Variants in POMZP3 observed in about 807,000 individuals in gnomAD.
The protein encoded by POMZP3 is POM121 and ZP3 fusion, also known as POM121 and ZP3 fusion protein.
In POMZP3, 10 loss-of-function variants were observed where a neutral mutation model predicts 19.8. That is an observed-to-expected ratio of 0.51 (90% CI 0.31 to 0.86). POMZP3 has a LOEUF of 0.86. Ranked by LOEUF, POMZP3 falls within the 40% of genes least tolerant of loss-of-function variation. POMZP3 has a pLI of 0.04. For synonymous variants in POMZP3, 57 were observed against 85.8 expected (o/e 0.66, Z 1.85); for missense variants, 152 against 228.1 (o/e 0.67, Z 2.15).
chr7:76,611,674 G>C, intron 5 of POMZP3, 48 bp downstream of exon 5: 3 of 1,532,406 alleles, frequency 2.0e-6, no homozygotes, highest in Non-Finnish European at 2.7e-6. Flanking sequence ...AATAGACAAG[G>C]GGTCGCCGAT....
chr7:76,619,573 C>T (rs62475934), intron 3 of POMZP3, among the ~76,000 whole-genome samples: 25,315 of 148,318 alleles, frequency 0.17, 2,465 homozygotes, highest in South Asian at 0.27. Flanking sequence ...TGAAATTTTC[C>T]GCCTAGAGAT....
chr7:76,625,964 G>A, intron 2 of POMZP3, 36 bp downstream of exon 2: 1 of 1,611,298 alleles, frequency 6.2e-7, no homozygotes, highest in Non-Finnish European at 8.5e-7. Context: ...AAGTGGACAC[G>A]AAAAGGGAGA....
intron 3 of POMZP3, among the ~76,000 whole-genome samples, chr7:76,623,276 T>G (rs1371400332): frequency 2.0e-5 from 3 of 151,958 alleles, no homozygotes; most frequent in African/African-American, 7.2e-5. Context: ...CTCTTTAATG[T>G]CAGAAATCCT....
chr7:76,614,385 TAA>T (rs567503226), intron 4 of POMZP3, among the ~76,000 whole-genome samples: 8 of 61,970 alleles, frequency 1.3e-4, no homozygotes, highest in Admixed American at 3.3e-4. Flanking sequence ...CCATCTCTAC[TAA>T]AAAAAAAAAA....
In POMZP3 at chr7:76,627,061, G is replaced by C. The variant is rs1303299289; in HGVS notation, c.-505C>G. ...GGAGGACAAGGGGCGCGAACCTCGG[G>C]GCTCGCGGCTCAGTCCCCACCAGGC... On this transcript the variant is annotated 5_prime_UTR_variant, in exon 1 of 7. Coordinates refer to ENST00000310842, the MANE Select transcript of POMZP3 (RefSeq NM_012230.5). 1 of 1,325,620 alleles carries C rather than the reference G, an allele frequency of 7.5e-7. No homozygotes were observed. Among genetic ancestry groups the C allele is most frequent in the African/African-American group, 1.6e-5 (1 of 64,254 alleles). The allele number at this position is 1,325,620 out of a possible 1,614,324, so 82.1% of individuals were successfully genotyped here. A position where few individuals can be genotyped will look rare whatever the true frequency, so the allele number is the denominator to read the frequency against.
At chr7:76,613,508 T>C (rs1457034226) in intron 4 of POMZP3, among the ~76,000 whole-genome samples, 18 of 36,254 alleles carry the variant, frequency 5.0e-4, no homozygotes, top group African/African-American at 3.4e-3. Context: ...CCCCCTACCC[T>C]TTTTTTTTTT....
intron 3 of POMZP3, among the ~76,000 whole-genome samples, chr7:76,625,225 T>A (rs1011027495): frequency 7.4e-5 from 11 of 149,428 alleles, no homozygotes; most frequent in Non-Finnish European, 1.2e-4. Context: ...GAGCCTTCTT[T>A]CTTGAAAATA....
rs2116848839 is a variant in POMZP3 at position 76,612,973 on chromosome 7, G to A, written c.346-1160C>T. ...GCTGTTGCCTAGGCTGGAGTGCAAT[G>A]GCACGATCTCAGCTCACTGCAACCT... On this transcript the variant is annotated intron_variant, in intron 4 of 6. Coordinates refer to ENST00000310842, the MANE Select transcript of POMZP3 (RefSeq NM_012230.5). Among the ~76,000 whole-genome samples the A allele has an allele frequency of 3.4e-5, 2 of 59,694 alleles. 1 individual carries two copies. The highest frequency in any genetic ancestry group is 2.0e-4 in the African/African-American group (2 of 9,764). 39.2% of individuals were successfully genotyped at this position (59,694 alleles called of 152,430 possible). A position where few individuals can be genotyped will look rare whatever the true frequency, so the allele number is the denominator to read the frequency against.
At chr7:76,626,509 G>C in intron 1 of POMZP3, 199 bp downstream of exon 1, 1 of 600,980 alleles carries the variant, frequency 1.7e-6, no homozygotes, top group Non-Finnish European at 2.9e-6. Context: ...CTGGAAAGAA[G>C]GGAATCGTTT....
chr7:76,611,703 A>T lies in POMZP3; in HGVS notation c.437+19T>A. The T allele has an allele frequency of 6.8e-7, 1 of 1,464,166 alleles. No homozygotes were observed. Among genetic ancestry groups the T allele is most frequent in the Non-Finnish European group, 9.4e-7 (1 of 1,063,812 alleles). 90.7% of individuals were successfully genotyped at this position (1,464,166 alleles called of 1,614,324 possible). A position where few individuals can be genotyped will look rare whatever the true frequency, so the allele number is the denominator to read the frequency against. On this transcript the variant is annotated intron_variant, in intron 5 of 6. Transcript: ENST00000310842. ...CGCCGATTCAGTTTCTACTCCAGTC[A>T]CGGAGCACCTGTCCTCACCTGTTGG...
At chr7:76,619,683 G>A (rs1378590428) in intron 3 of POMZP3, among the ~76,000 whole-genome samples, 4 of 143,786 alleles carry the variant, frequency 2.8e-5, no homozygotes, top group East Asian at 4.1e-4. Context: ...AATGAATGAC[G>A]TGGCCCAAGA....
intron 4 of POMZP3, among the ~76,000 whole-genome samples, chr7:76,615,989 AGGG>A (rs1183711360): frequency 8.5e-5 from 2 of 23,488 alleles, no homozygotes; most frequent in African/African-American, 5.3e-4. Flanking sequence ...AAAAAAAAAA[AGGG>A]GGGGGGGGCA....
intron 3 of POMZP3, among the ~76,000 whole-genome samples, chr7:76,623,520 C>T (rs935882060): frequency 6.8e-6 from 1 of 147,582 alleles, no homozygotes; most frequent in Non-Finnish European, 1.5e-5. Context: ...GGGATCAAGC[C>T]TGGTGCGGTG....
chr7:76,622,401 T>G (rs1213012920), intron 3 of POMZP3, among the ~76,000 whole-genome samples: 1 of 110,016 alleles, frequency 9.1e-6, no homozygotes, highest in Non-Finnish European at 1.9e-5. Flanking sequence ...TTTTTTGAGA[T>G]GGAGTCTCGC....
intron 3 of POMZP3, among the ~76,000 whole-genome samples, chr7:76,620,329 T>TAA (rs768106589): frequency 7.0e-5 from 2 of 28,478 alleles, no homozygotes; most frequent in African/African-American, 1.6e-4. Flanking sequence ...CTGTCTCAAA[T>TAA]AAAAAAAAAA....
At chr7:76,618,626 G>GA (rs909174142) in intron 3 of POMZP3, 11 of 300,364 alleles carry the variant, frequency 3.7e-5, no homozygotes, top group South Asian at 7.1e-5. Flanking sequence ...CTGAAAAAAA[G>GA]AAAAAAAAGG....
chr7:76,619,552 G>T (rs1216521918), intron 3 of POMZP3, among the ~76,000 whole-genome samples: 2 of 150,728 alleles, frequency 1.3e-5, no homozygotes, highest in African/African-American at 2.4e-5. Flanking sequence ...TCCTGGCAGG[G>T]GTTCTTTGTC....
rs1190250982 is a variant in POMZP3, at chr7:76,616,958, GAC to G, written c.345+1223_345+1224del. Among the ~76,000 whole-genome samples the G allele has an allele frequency of 3.2e-5, 3 of 93,580 alleles. 1 individual carries two copies. The highest frequency in any genetic ancestry group is 6.9e-5 in the Non-Finnish European group (3 of 43,276). The allele number at this position is 93,580 out of a possible 152,430, so 61.4% of individuals were successfully genotyped here. ...GGATCACCTGAGGTCAGGAGTTTGG[GAC>G]CAGCCTGGACAACATGGTAAAACCT... On this transcript the variant is annotated intron_variant, in intron 4 of 6. Coordinates refer to ENST00000310842, the MANE Select transcript of POMZP3 (RefSeq NM_012230.5).
chr7:76,620,196 C>T (rs1383454163), intron 3 of POMZP3, among the ~76,000 whole-genome samples: 8 of 86,322 alleles, frequency 9.3e-5, no homozygotes, highest in East Asian at 5.8e-4. Flanking sequence ...GGCATGGTGG[C>T]GGGCGCCTGT....
Sources: gnomAD v4.1 joint callset for allele counts (sites outside exome capture counted in the v4.1 genomes callset) on GRCh38, gnomAD v4.1.1 for gene constraint, MANE v1.5 for transcripts, NCBI Gene and HGNC (gene_info 2026-07-23, HGNC 2026-07-21) for gene names.